MTHFD2L: variants seen among roughly 807,000 people sequenced by gnomAD.
MTHFD2L encodes bifunctional methylenetetrahydrofolate dehydrogenase/cyclohydrolase 2, mitochondrial.
In MTHFD2L, 29 loss-of-function variants were observed where a neutral mutation model predicts 34.9. The observed-to-expected ratio is 0.83, with a 90% CI of 0.62 to 1.13. MTHFD2L has a LOEUF of 1.13. Among genes scored for constraint, MTHFD2L ranks in the 50% most tolerant of loss-of-function variants. MTHFD2L has a pLI of 0.00. For missense variants in MTHFD2L, 481 were observed against 446.5 expected (o/e 1.08, Z -0.70); for synonymous variants, 167 against 155.7 (o/e 1.07, Z -0.54).
chr4:74,145,359 T>G (rs576835224), intron 1 of MTHFD2L, among the ~76,000 whole-genome samples: 1 of 152,194 alleles, frequency 6.6e-6, no homozygotes, highest in Non-Finnish European at 1.5e-5. Flanking sequence ...CAGGAGGATG[T>G]GCATAAGTTC....
chr4:74,264,435 A>G (rs1314436346), intron 6 of MTHFD2L, among the ~76,000 whole-genome samples: 3 of 151,994 alleles, frequency 2.0e-5, no homozygotes, highest in African/African-American at 7.2e-5. Context: ...ATTCCAAGTA[A>G]CTTACATCTA....
At chr4:74,221,303 A>G (rs1738141419) in intron 5 of MTHFD2L, among the ~76,000 whole-genome samples, 1 of 151,812 alleles carries the variant, frequency 6.6e-6, no homozygotes, top group Non-Finnish European at 1.5e-5. Context: ...AGTCATATAT[A>G]TAACATTAGT....
chr4:74,155,566 TTAAA>T (rs371296956), upstream of MTHFD2L, among the ~76,000 whole-genome samples: 19 of 152,208 alleles, frequency 1.2e-4, no homozygotes, highest in African/African-American at 4.6e-4. Flanking sequence ...TTCTACAATG[TTAAA>T]TAAAGTAATA....
At chr4:74,167,268 T>C (rs566780182) in intron 1 of MTHFD2L, among the ~76,000 whole-genome samples, 1 of 152,068 alleles carries the variant, frequency 6.6e-6, no homozygotes, top group Non-Finnish European at 1.5e-5. Flanking sequence ...CCATCAAGAA[T>C]CTCTAGATCC....
At chr4:74,198,503 A>C (rs1245625765) in intron 3 of MTHFD2L, among the ~76,000 whole-genome samples, 2 of 145,778 alleles carry the variant, frequency 1.4e-5, no homozygotes, top group African/African-American at 5.7e-5. Context: ...TTCATCTATA[A>C]AGCTTTTCAT....
intron 1 of MTHFD2L, among the ~76,000 whole-genome samples, chr4:74,136,063 TA>T (rs1258556759): frequency 1.3e-5 from 2 of 152,036 alleles, no homozygotes. Flanking sequence ...CTCTAAAGGC[TA>T]GACCAAGATA....
intron 6 of MTHFD2L, among the ~76,000 whole-genome samples, chr4:74,245,211 A>C (rs1742261058): frequency 6.6e-6 from 1 of 150,754 alleles, no homozygotes; most frequent in Admixed American, 6.6e-5. Context: ...AAAAAAAAAA[A>C]AAAAAAAAGA....
Position 74,136,409 on chromosome 4 carries a change from T to C in MTHFD2L, c.-297+10892T>C, listed in dbSNP as rs180982144. On this transcript the variant is annotated intron_variant, in intron 1 of 7. Coordinates refer to the MTHFD2L transcript ENST00000433372. ...AGAATATGCAATACCTGGGAATCAA[T>C]TGAAACCAAAGATGTGAAAGACCTA... is the stretch of plus-strand genomic sequence containing the variant. 4.0e-3 allele frequency among the ~76,000 whole-genome samples: 598 copies of C among 151,270 alleles called. 1 individual carries two copies. The highest frequency in any genetic ancestry group is 6.1e-3 in the Admixed American group (93 of 15,196).
rs1724569634 is a variant in MTHFD2L at position 74,158,199 on chromosome 4, T to A, written c.61T>A (p.Leu21Met). The A allele has an allele frequency of 1.3e-5, 20 of 1,525,560 alleles. No homozygotes were observed. The highest frequency in any genetic ancestry group is 2.1e-5 in the Admixed American group (1 of 48,028). 94.5% of individuals were successfully genotyped at this position (1,525,560 alleles called of 1,614,324 possible). A position where few individuals can be genotyped will look rare whatever the true frequency, so the allele number is the denominator to read the frequency against. ...LRGRLGRAPA[L>M]GRSTAPSVRA... ...CGGCCGCCTTGGCCGAGCGCCGGCG[T>A]TGGGCAGAAGCACAGCACCCTCCGT... The change falls in exon 1 of 8, where the codon TTG (leucine) becomes ATG (methionine). Residue 21 changes from leucine to methionine, a missense_variant. Transcript: ENST00000325278.
At chr4:74,275,619 T>G (rs567895049) in intron 6 of MTHFD2L, among the ~76,000 whole-genome samples, 4 of 152,168 alleles carry the variant, frequency 2.6e-5, no homozygotes, top group African/African-American at 9.7e-5. Flanking sequence ...GCTTCTTGAC[T>G]TTTTAGTAAT....
At chr4:74,240,302 G>T (rs559732564) in intron 6 of MTHFD2L, among the ~76,000 whole-genome samples, 2 of 152,076 alleles carry the variant, frequency 1.3e-5, no homozygotes, top group African/African-American at 2.4e-5. Flanking sequence ...TGGGAGACAA[G>T]CTTGTTAACT....
intron 6 of MTHFD2L, chr4:74,267,971 T>C (rs1015791404): frequency 5.1e-6 from 5 of 985,114 alleles, no homozygotes; most frequent in African/African-American, 1.7e-5. Context: ...AATAGAAGCT[T>C]TGGGGGCATT....
chr4:74,187,052 A>G (rs569631224), intron 3 of MTHFD2L, among the ~76,000 whole-genome samples: 1 of 152,222 alleles, frequency 6.6e-6, no homozygotes, highest in Non-Finnish European at 1.5e-5. Flanking sequence ...GCAAATAAGT[A>G]CAGAAAAGAA....
At chr4:74,287,276 C>G (rs548659407) in intron 7 of MTHFD2L, among the ~76,000 whole-genome samples, 1 of 152,130 alleles carries the variant, frequency 6.6e-6, no homozygotes, top group Non-Finnish European at 1.5e-5. Flanking sequence ...ACTTGTTTTA[C>G]TGATTTGCCA....
At chr4:74,282,876 T>A (rs1484758814) in intron 7 of MTHFD2L, among the ~76,000 whole-genome samples, 1 of 152,160 alleles carries the variant, frequency 6.6e-6, no homozygotes, top group Non-Finnish European at 1.5e-5. Flanking sequence ...GTGTACATGC[T>A]GAAATCACTA....
chr4:74,255,373 A>T (rs2110209383), intron 6 of MTHFD2L, among the ~76,000 whole-genome samples: 1 of 152,278 alleles, frequency 6.6e-6, no homozygotes, highest in East Asian at 1.9e-4. Context: ...GATATATAAA[A>T]GTTAAAGGAA....
chr4:74,132,726 T>C (rs1191522336), intron 1 of MTHFD2L, among the ~76,000 whole-genome samples: 1 of 152,142 alleles, frequency 6.6e-6, no homozygotes, highest in African/African-American at 2.4e-5. Flanking sequence ...ATCTCAGAAC[T>C]TAAAGTATAA....
At chr4:74,297,109 G>C (rs1396771366) in intron 7 of MTHFD2L, among the ~76,000 whole-genome samples, 1 of 151,956 alleles carries the variant, frequency 6.6e-6, no homozygotes, top group Admixed American at 6.6e-5. Flanking sequence ...GAAATATATG[G>C]AATTACTTTG....
intron 6 of MTHFD2L, among the ~76,000 whole-genome samples, chr4:74,264,944 G>T (rs915303039): frequency 2.6e-5 from 4 of 152,124 alleles, no homozygotes; most frequent in African/African-American, 7.2e-5. Context: ...ATCACATGTG[G>T]AGATATTAAG....
Sources: allele counts gnomAD v4.1 joint callset (sites outside exome capture counted in the v4.1 genomes callset), GRCh38; gene constraint gnomAD v4.1.1; transcripts MANE v1.5; gene names NCBI Gene and HGNC (gene_info 2026-07-23, HGNC 2026-07-21).